The following OCA2 variants were observed in gnomAD, a reference collection of about 807,000 sequenced individuals.
OCA2 encodes the protein OCA2 melanosomal transmembrane protein, also known as P protein.
In OCA2, 77 loss-of-function variants were observed where a neutral mutation model predicts 100.2. The observed-to-expected ratio is 0.77, with a 90% CI of 0.64 to 0.93. OCA2 has a LOEUF of 0.93. OCA2 is among the 40% of genes least tolerant of loss of function. OCA2 has a pLI of 0.00. For missense variants in OCA2, 1,062 were observed against 1,089.1 expected, an observed-to-expected ratio of 0.98 and a Z score of 0.35; for synonymous variants, 432 against 439.2, an observed-to-expected ratio of 0.98 and a Z score of 0.21.
At position 27,755,565 on chromosome 15, in the gene OCA2, C is replaced by A. The variant is rs530544648; in HGVS notation, c.2433-93G>T. On this transcript the variant is annotated intron_variant, in intron 23 of 23. Transcript: ENST00000354638. ...AGCTCATGAGAACATGGCCTTAGCA[C>A]CTTTGCATTTTCACAATGGCCACTA... 2.9e-5 allele frequency: 28 copies of A among 972,468 alleles called. 1 individual carries two copies. In the South Asian group the frequency reaches 3.2e-4, roughly 11 times the overall value. 60.2% of individuals were successfully genotyped at this position (972,468 alleles called of 1,614,324 possible).
downstream of OCA2, among the ~76,000 whole-genome samples, chr15:27,754,563 C>G (rs926010981): frequency 2.6e-5 from 4 of 152,190 alleles, no homozygotes; most frequent in Admixed American, 2.0e-4. Flanking sequence ...TTCTCATTAC[C>G]CTTACCTCAC....
At chr15:27,948,348 A>T (rs1330244082) in intron 18 of OCA2, among the ~76,000 whole-genome samples, 1 of 152,174 alleles carries the variant, frequency 6.6e-6, no homozygotes, top group Non-Finnish European at 1.5e-5. Context: ...CCACCATATG[A>T]CACAGCAGTG....
At chr15:27,882,733 A>G (rs978839218) in intron 19 of OCA2, among the ~76,000 whole-genome samples, 2 of 152,162 alleles carry the variant, frequency 1.3e-5, no homozygotes, top group Non-Finnish European at 2.9e-5. Context: ...TTCTGACCAC[A>G]ATTTCTGTCA....
intron 6 of OCA2, 48 bp from the exon 7 acceptor site, chr15:28,018,605 T>C (rs372732692): frequency 2.5e-6 from 4 of 1,580,268 alleles, no homozygotes; most frequent in East Asian, 2.3e-5. Flanking sequence ...AGAAACCCCA[T>C]GTCCCCGCCG....
chr15:27,765,762 G>A (rs34244593), intron 23 of OCA2, among the ~76,000 whole-genome samples: 5 of 152,128 alleles, frequency 3.3e-5, no homozygotes, highest in Non-Finnish European at 5.9e-5. Context: ...TAATAAGCCC[G>A]ACCCTCGGTT....
intron 18 of OCA2, among the ~76,000 whole-genome samples, chr15:27,939,117 C>T (rs574645303): frequency 1.8e-4 from 28 of 152,320 alleles, no homozygotes; most frequent in Middle Eastern, 3.4e-3. Flanking sequence ...CTCTGAGGAG[C>T]TTCATATTCT....
In OCA2 at chr15:27,827,736, G is replaced by T. The variant is rs573730189; in HGVS notation, c.2432+17223C>A. On this transcript the variant is annotated intron_variant, in intron 23 of 23. Transcript: ENST00000354638. ...CATGCAATATTAAAAGATTGTGAGA[G>T]CTGAATATAGACGTATTTAAAATAA... Among the ~76,000 whole-genome samples, 4 of 152,312 alleles carry T rather than the reference G, an allele frequency of 2.6e-5. No homozygotes were observed. The East Asian group carries it at 7.7e-4, about 29-fold the overall frequency.
intron 19 of OCA2, among the ~76,000 whole-genome samples, chr15:27,901,157 T>C (rs1422929440): frequency 6.6e-6 from 1 of 152,260 alleles, no homozygotes; most frequent in Non-Finnish European, 1.5e-5. Flanking sequence ...GCTGATGGGA[T>C]ATTGTACAGC....
chr15:27,913,224 G>A (rs1157410335), intron 19 of OCA2, among the ~76,000 whole-genome samples: 3 of 152,036 alleles, frequency 2.0e-5, no homozygotes, highest in Non-Finnish European at 2.9e-5. Context: ...TTCTGGTTTC[G>A]ATAGTTTTAT....
chr15:27,877,794 C>T (rs1244810015), intron 19 of OCA2, among the ~76,000 whole-genome samples: 2 of 151,900 alleles, frequency 1.3e-5, no homozygotes, highest in East Asian at 1.9e-4. Flanking sequence ...TCCTTATCTG[C>T]TTTCTCAATA....
intron 9 of OCA2, among the ~76,000 whole-genome samples, chr15:28,006,464 G>A (rs1477735030): frequency 6.6e-6 from 1 of 152,198 alleles, no homozygotes; most frequent in East Asian, 1.9e-4. Flanking sequence ...AAGAAATGCT[G>A]GATTGTGAGC....
chr15:27,780,121 C>T (rs1407376007), intron 23 of OCA2, among the ~76,000 whole-genome samples: 1 of 152,218 alleles, frequency 6.6e-6, no homozygotes, highest in Admixed American at 6.5e-5. Context: ...CTGATCCCTA[C>T]ATGCTCAATT....
chr15:27,970,405 T>C (rs140642162), intron 14 of OCA2, among the ~76,000 whole-genome samples: 26 of 151,672 alleles, frequency 1.7e-4, no homozygotes, highest in African/African-American at 6.1e-4. Context: ...GGAAAAGCAG[T>C]AGTGGAGGAG....
intron 19 of OCA2, among the ~76,000 whole-genome samples, chr15:27,908,114 A>T (rs2038246754): frequency 6.6e-6 from 1 of 152,214 alleles, no homozygotes; most frequent in African/African-American, 2.4e-5. Flanking sequence ...ATTACTAATA[A>T]ATATCAATGC....
At chr15:27,898,662 G>C (rs191753249) in intron 19 of OCA2, among the ~76,000 whole-genome samples, 1 of 152,248 alleles carries the variant, frequency 6.6e-6, no homozygotes, top group Non-Finnish European at 1.5e-5. Flanking sequence ...CATATGGTAG[G>C]TAAAATAAAT....
In OCA2 at chr15:27,957,402, T is replaced by C. The variant is rs745849027; in HGVS notation, c.1784+186A>G. Among the ~76,000 whole-genome samples, 4 of 152,156 alleles carry C rather than the reference T, an allele frequency of 2.6e-5. No individual in the cohort carries two copies. Among genetic ancestry groups the C allele is most frequent in the African/African-American group, 4.8e-5 (2 of 41,448 alleles). ...GGTTTTGTGTTGTTTCTTTGGTCCT[T>C]AAACTCGGCTGTGTACCCCCTGCAG... On this transcript the variant is annotated intron_variant, in intron 16 of 23. Transcript: ENST00000354638. The surrounding 1 kb of genome is among the most constrained non-coding windows in gnomAD (Gnocchi z 4.3).
intron 9 of OCA2, among the ~76,000 whole-genome samples, chr15:27,997,740 T>C (rs945247487): frequency 2.5e-5 from 3 of 117,786 alleles, no homozygotes; most frequent in Non-Finnish European, 4.2e-5. Flanking sequence ...TTGCTGGGGA[T>C]GGCATTGAAT....
chr15:27,836,889 C>T (rs1336104297), intron 23 of OCA2, among the ~76,000 whole-genome samples: 2 of 151,976 alleles, frequency 1.3e-5, no homozygotes, highest in African/African-American at 4.8e-5. Context: ...GTTTTTAAAG[C>T]CTCACAATAA....
intron 4 of OCA2, among the ~76,000 whole-genome samples, 194 bp from the exon 5 acceptor site, chr15:28,025,096 G>A (rs1222493770): frequency 2.6e-5 from 4 of 152,188 alleles, no homozygotes; most frequent in African/African-American, 9.7e-5. Flanking sequence ...GGAGCATGGT[G>A]GAGGTTCCAG....
Sources: allele counts gnomAD v4.1 joint callset (sites outside exome capture counted in the v4.1 genomes callset), GRCh38; gene constraint gnomAD v4.1.1; non-coding constraint Gnocchi (gnomAD v3.1); transcripts MANE v1.5; gene names NCBI Gene and HGNC (gene_info 2026-07-23, HGNC 2026-07-21).